PKP2: variants seen among roughly 807,000 people sequenced by gnomAD.
PKP2 encodes the protein plakophilin-2.
A neutral mutation model predicts 83.4 loss-of-function variants in PKP2; 73 were observed. The observed-to-expected ratio is 0.88, with a 90% CI of 0.72 to 1.06. The LOEUF is 1.06. Ranked by LOEUF, PKP2 falls within the 50% of genes least tolerant of loss-of-function variation. PKP2 has a pLI of 0.00. For missense variants in PKP2, 966 were observed against 1,065.4 expected (o/e 0.91, Z 1.30); for synonymous variants, 409 against 430.4 (o/e 0.95, Z 0.62).
chr12:32,873,001 A>C lies in PKP2; in HGVS notation c.1035-3939T>G, dbSNP rs140583714. On this transcript the variant is annotated intron_variant, in intron 3 of 12. Coordinates refer to ENST00000340811, the MANE Select transcript of PKP2 (RefSeq NM_001005242.3). ...CAATATGATCTGTTTTCTGCTCTGC[A>C]GTGCTCTTGGTCACAAATTTGACTG... is the stretch of plus-strand genomic sequence containing the variant. Among the ~76,000 whole-genome samples the C allele has an allele frequency of 4.0e-3, 606 of 152,228 alleles. 7 individuals carry two copies. Among genetic ancestry groups the C allele is most frequent in the African/African-American group, 0.014 (562 of 41,536 alleles).
At chr12:32,866,174 A>T (rs1017485526) in intron 4 of PKP2, among the ~76,000 whole-genome samples, 1 of 152,184 alleles carries the variant, frequency 6.6e-6, no homozygotes, top group Admixed American at 6.6e-5. Context: ...ATTCAATAAT[A>T]AGAAAACAAA....
At position 32,792,516 on chromosome 12, in the gene PKP2, G is replaced by A. The variant is rs559934501; in HGVS notation, c.2446-24C>T. The A allele has an allele frequency of 5.4e-5, 87 of 1,606,068 alleles. No homozygotes were observed. In the East Asian group the frequency reaches 1.4e-3, roughly 26 times the overall value. On this transcript the variant is annotated intron_variant, in intron 12 of 12. Coordinates refer to ENST00000340811, the MANE Select transcript of PKP2 (RefSeq NM_001005242.3). ...GCCTTTGGAATAAGCAAACAGAAACGTGAAAGGTAACAAAACTGGCACACA... is the reference window on the plus strand; with the variant it reads ...GCCTTTGGAATAAGCAAACAGAAACATGAAAGGTAACAAAACTGGCACACA...
rs1317367015 is a variant in PKP2, at chr12:32,802,068, TAGA to T, written c.2167+332_2167+334del. ...CATTCTGAAAGACAACTATATGGAT[TAGA>T]AAGACTTCATTGGATGGTGTGACTG... On this transcript the variant is annotated intron_variant, in intron 10 of 12. Transcript: ENST00000340811. Among the ~76,000 whole-genome samples the T allele has an allele frequency of 3.9e-5, 6 of 152,222 alleles. No individual in the cohort carries two copies. In the South Asian group the frequency reaches 1.2e-3, roughly 32 times the overall value.
intron 5 of PKP2, among the ~76,000 whole-genome samples, chr12:32,841,632 T>C (rs1354401604): frequency 1.3e-5 from 2 of 152,210 alleles, no homozygotes; most frequent in African/African-American, 2.4e-5. Context: ...TTTTCTCCCT[T>C]AGATACACAT....
In PKP2 at chr12:32,802,412, T is replaced by G. The variant is rs750463185; in HGVS notation, c.2158A>C (p.Asn720His). Residue 720 changes from asparagine (N) to histidine (H), a missense_variant, in exon 10 of 13, where the codon AAT (asparagine) becomes CAT (histidine). By Grantham distance (68) the Asn-to-His change is moderately conservative. Coordinates refer to ENST00000340811, the MANE Select transcript of PKP2 (RefSeq NM_001005242.3). The part of the protein sequence containing the change: ...RNLSRNLSLQ[N>H]EIAKETLPDL... ...ACTTATACCGACTCACCAATTTCAT[T>G]CTGCAGAGAAAGATTCCGGGACAGA... The G allele has an allele frequency of 3.7e-6, 6 of 1,614,094 alleles. No homozygotes were observed. Among genetic ancestry groups the G allele is most frequent in the Non-Finnish European group, 4.2e-6 (5 of 1,179,968 alleles).
intron 4 of PKP2, among the ~76,000 whole-genome samples, chr12:32,864,258 CA>C (rs1425451125): frequency 6.6e-6 from 1 of 151,440 alleles, no homozygotes; most frequent in East Asian, 1.9e-4. Flanking sequence ...TGCCCACGCT[CA>C]CCACTTCTTT....
At chr12:32,829,529 C>T (rs1250242669) in intron 6 of PKP2, among the ~76,000 whole-genome samples, 2 of 151,498 alleles carry the variant, frequency 1.3e-5, no homozygotes, top group African/African-American at 4.9e-5. Flanking sequence ...CGTGAGCCAC[C>T]GTGACCAGCC....
chr12:32,884,391 T>G (rs1957011976), intron 1 of PKP2, among the ~76,000 whole-genome samples: 1 of 152,146 alleles, frequency 6.6e-6, no homozygotes, highest in Non-Finnish European at 1.5e-5. Context: ...GAGGCAGAAG[T>G]TGCAGTGAGT....
At chr12:32,891,834 C>T (rs1373976792) in intron 1 of PKP2, among the ~76,000 whole-genome samples, 1 of 152,210 alleles carries the variant, frequency 6.6e-6, no homozygotes, top group African/African-American at 2.4e-5. Context: ...AACTTCACCC[C>T]TAAGAGATGT....
At position 32,796,195 on chromosome 12, in the gene PKP2, G is replaced by A. The variant is rs1260670954; in HGVS notation, c.2271C>T (p.Asn757=). The change falls in exon 11 of 13, where the codon AAC becomes AAT. Residue 757 remains asparagine (N), a synonymous_variant. Transcript: ENST00000340811. The part of the protein sequence containing the change: ...TTASACYTLN[N]IIQNSYQNAR... The stretch of plus-strand genomic sequence containing the variant: ...CATTCTGGTAACTGTTTTGGATTAT[G>A]TTGTTCAATGTGTAACAGGCAGAGG... 3 of 1,613,830 alleles carry A rather than the reference G, an allele frequency of 1.9e-6. No individual in the cohort carries two copies. Among genetic ancestry groups the A allele is most frequent in the Non-Finnish European group, 2.5e-6 (3 of 1,179,926 alleles).
At chr12:32,842,623 A>G (rs950382592) in intron 5 of PKP2, among the ~76,000 whole-genome samples, 1 of 152,056 alleles carries the variant, frequency 6.6e-6, no homozygotes, top group African/African-American at 2.4e-5. Flanking sequence ...AAGAGAAGGG[A>G]TGACTCTTCC....
Position 32,792,696 on chromosome 12 carries a change from A to T in PKP2, c.2393T>A (p.Val798Asp). ...ASNKASKAASVLLYSLWAHTE... is the reference protein window; with the variant it reads ...ASNKASKAASDLLYSLWAHTE... ...GTGTGCCCACAGAGAATACAGAAGGACGGAAGCAGCTTTACTTGCTTTGTT... is the reference window on the plus strand; with the variant it reads ...GTGTGCCCACAGAGAATACAGAAGGTCGGAAGCAGCTTTACTTGCTTTGTT... Residue 798 changes from valine to aspartate, a missense_variant, in exon 12 of 13, where the codon GTC becomes GAC. Physicochemically the swap from Val to Asp is radical, Grantham distance 152. Coordinates refer to ENST00000340811, the MANE Select transcript of PKP2 (RefSeq NM_001005242.3). 3 of 1,614,090 alleles carry T rather than the reference A, an allele frequency of 1.9e-6. No individual in the cohort carries two copies. Among genetic ancestry groups the T allele is most frequent in the Non-Finnish European group, 2.5e-6 (3 of 1,179,998 alleles).
chr12:32,798,263 T>G (rs202161248), intron 10 of PKP2, among the ~76,000 whole-genome samples: 9,933 of 112,936 alleles, frequency 0.088, 1,058 homozygotes, highest in East Asian at 0.55. Flanking sequence ...TTTTTGTATA[T>G]TTTTTTTTTC....
chr12:32,831,859 G>T (rs904837280), intron 6 of PKP2, among the ~76,000 whole-genome samples: 1 of 152,176 alleles, frequency 6.6e-6, no homozygotes, highest in Non-Finnish European at 1.5e-5. Context: ...CAGCATCTCA[G>T]TGAGACATGT....
rs751232146 is a variant in PKP2, at chr12:32,878,902, C to T, written c.336+18G>A. 6 of 1,251,096 alleles carry T rather than the reference C, an allele frequency of 4.8e-6. No homozygotes were observed. Among genetic ancestry groups the T allele is most frequent in the South Asian group, 1.2e-5 (1 of 83,766 alleles). The allele number at this position is 1,251,096 out of a possible 1,614,324, so 77.5% of individuals were successfully genotyped here. On this transcript the variant is annotated intron_variant, in intron 2 of 12. Transcript: ENST00000340811. ...GGTAGTAATCTGATCACTAGGGTTA[C>T]ATTCTTTGATATCCTACCTTTAGCA...
intron 11 of PKP2, 49 bp downstream of exon 11, chr12:32,796,060 C>T: frequency 6.8e-7 from 1 of 1,464,070 alleles, no homozygotes; most frequent in Non-Finnish European, 9.6e-7. Context: ...TACACACAGG[C>T]TGGTGAGGGG....
intron 3 of PKP2, among the ~76,000 whole-genome samples, chr12:32,873,393 C>T (rs757432319): frequency 6.6e-6 from 1 of 151,906 alleles, no homozygotes; most frequent in Non-Finnish European, 1.5e-5. Flanking sequence ...CCACCATGCC[C>T]GGCCCTGCTC....
At chr12:32,836,852 T>C (rs1368461886) in intron 6 of PKP2, among the ~76,000 whole-genome samples, 1 of 152,186 alleles carries the variant, frequency 6.6e-6, no homozygotes, top group African/African-American at 2.4e-5. Context: ...GATACCTCTA[T>C]GTCCTGGAAA....
At chr12:32,856,050 C>T (rs1321355190) in intron 4 of PKP2, among the ~76,000 whole-genome samples, 1 of 151,814 alleles carries the variant, frequency 6.6e-6, no homozygotes. Context: ...AGAACAAAAC[C>T]AAAATGATAA....
Sources: allele counts gnomAD v4.1 joint callset (sites outside exome capture counted in the v4.1 genomes callset), GRCh38; gene constraint gnomAD v4.1.1; transcripts MANE v1.5; gene names NCBI Gene and HGNC (gene_info 2026-07-23, HGNC 2026-07-21).